The following STK33 variants were observed in gnomAD, a reference collection of about 807,000 sequenced individuals.
STK33 encodes the protein serine/threonine kinase 33.
A neutral mutation model predicts 58.0 loss-of-function variants in STK33; 52 were observed. The observed-to-expected ratio is 0.90, with a 90% CI of 0.72 to 1.13. The LOEUF (loss-of-function observed/expected upper bound fraction) is 1.13. Ranked by LOEUF, STK33 falls within the 50% of genes most tolerant of loss-of-function variation. The pLI, the probability that STK33 is intolerant of heterozygous loss-of-function variation, is 0.00. For synonymous variants in STK33, 215 were observed against 200.1 expected, an observed-to-expected ratio of 1.07 and a Z score of -0.63; for missense variants, 630 against 604.2, an observed-to-expected ratio of 1.04 and a Z score of -0.45.
chr11:8,507,009 G>C (rs1202775205), intron 1 of STK33, among the ~76,000 whole-genome samples: 1 of 152,056 alleles, frequency 6.6e-6, no homozygotes, highest in Non-Finnish European at 1.5e-5. Flanking sequence ...ACTAAATATG[G>C]ATTTATCTTA....
chr11:8,451,520 T>C, intron 11 of STK33, among the ~76,000 whole-genome samples: 1 of 151,882 alleles, frequency 6.6e-6, no homozygotes, highest in Non-Finnish European at 1.5e-5. Context: ...TTATATGAAA[T>C]GTGCAGAAAA....
intron 1 of STK33, among the ~76,000 whole-genome samples, chr11:8,521,255 A>C (rs562640913): frequency 3.7e-4 from 56 of 152,158 alleles, no homozygotes; most frequent in Non-Finnish European, 6.2e-4. Flanking sequence ...CCAAAACAGC[A>C]TGGTACTGGT....
At chr11:8,546,774 T>C (rs1034899091) in intron 1 of STK33, among the ~76,000 whole-genome samples, 2 of 152,218 alleles carry the variant, frequency 1.3e-5, no homozygotes, top group Non-Finnish European at 2.9e-5. Flanking sequence ...TCATTGTCAT[T>C]TATGGCTGAA....
At chr11:8,519,010 C>T (rs1164932584) in intron 1 of STK33, among the ~76,000 whole-genome samples, 1 of 152,204 alleles carries the variant, frequency 6.6e-6, no homozygotes, top group Non-Finnish European at 1.5e-5. Context: ...ATCTACAGAA[C>T]TCTCCACCCC....
chr11:8,362,115 T>C, the STK33 span, among the ~76,000 whole-genome samples: 1 of 152,156 alleles, frequency 6.6e-6, no homozygotes, highest in African/African-American at 2.4e-5. Flanking sequence ...GACTGTTCTC[T>C]GGGCAGCAGA....
chr11:8,396,284 A>C (rs1420385813), intron 15 of STK33, among the ~76,000 whole-genome samples: 1 of 152,150 alleles, frequency 6.6e-6, no homozygotes, highest in Non-Finnish European at 1.5e-5. Context: ...TTGTATTTTT[A>C]GTAGAAGCAG....
chr11:8,457,122 CTG>C (rs1946952979), intron 9 of STK33, among the ~76,000 whole-genome samples: 2 of 152,110 alleles, frequency 1.3e-5, no homozygotes, highest in African/African-American at 4.8e-5. Flanking sequence ...TCTCTTCAAA[CTG>C]TTGAATAAAA....
At position 8,413,702 on chromosome 11, in the gene STK33, ACAAT is replaced by A. The variant is rs1940676872; in HGVS notation, c.1147-14_1147-11del. On this transcript the variant is annotated splice_polypyrimidine_tract_variant and intron_variant, in intron 14 of 15. Coordinates refer to ENST00000687296, the MANE Select transcript of STK33 (RefSeq NM_001352389.2). ...AAGAAAGTTTATTGCCCTAATATTA[ACAAT>A]CAATTTTTGGTGTTATAAACAACTT... 3.1e-6 allele frequency: 5 copies of A among 1,610,594 alleles called. No homozygotes were observed. Among genetic ancestry groups the A allele is most frequent in the Non-Finnish European group, 4.2e-6 (5 of 1,178,580 alleles).
the STK33 span, among the ~76,000 whole-genome samples, chr11:8,344,164 G>C: frequency 6.7e-6 from 1 of 148,626 alleles, no homozygotes; most frequent in Non-Finnish European, 1.5e-5. Context: ...CAGCCTGGGC[G>C]ACACAGGGAG....
At chr11:8,504,365 A>G (rs1951723867) in intron 1 of STK33, among the ~76,000 whole-genome samples, 1 of 152,232 alleles carries the variant, frequency 6.6e-6, no homozygotes, top group African/African-American at 2.4e-5. Flanking sequence ...CACAATGGCA[A>G]CACCCTAAGC....
chr11:8,413,396 T>C, intron 15 of STK33, 99 bp downstream of exon 15: 1 of 1,345,978 alleles, frequency 7.4e-7, no homozygotes. Flanking sequence ...CGGCCTTTGT[T>C]ACAAACTAAC....
At chr11:8,508,135 C>T (rs781449616) in intron 1 of STK33, among the ~76,000 whole-genome samples, 21 of 152,266 alleles carry the variant, frequency 1.4e-4, no homozygotes, top group Non-Finnish European at 2.4e-4. Context: ...AGGTGATCTG[C>T]CCACCTTGGC....
the STK33 span, among the ~76,000 whole-genome samples, chr11:8,365,985 C>T: frequency 1.3e-5 from 2 of 152,222 alleles, no homozygotes; most frequent in African/African-American, 2.4e-5. Flanking sequence ...ATTCAACATC[C>T]ATTAGGCACC....
intron 12 of STK33, among the ~76,000 whole-genome samples, chr11:8,438,609 A>C (rs1665092317): frequency 2.0e-5 from 3 of 152,188 alleles, no homozygotes; most frequent in Non-Finnish European, 4.4e-5. Flanking sequence ...ATGCAGTCAC[A>C]CTCTGAAGCA....
the STK33 span, among the ~76,000 whole-genome samples, chr11:8,371,853 C>T: frequency 1.6e-5 from 2 of 127,320 alleles, no homozygotes; most frequent in East Asian, 5.4e-4. Flanking sequence ...CTCCTTCCTT[C>T]CCTCCCTCCC....
At chr11:8,431,706 A>G (rs931557818) in intron 14 of STK33, among the ~76,000 whole-genome samples, 1 of 152,214 alleles carries the variant, frequency 6.6e-6, no homozygotes, top group Non-Finnish European at 1.5e-5. Flanking sequence ...GATGCACTTT[A>G]ACAATATTAA....
At chr11:8,352,209 C>T in the STK33 span, among the ~76,000 whole-genome samples, 1 of 152,186 alleles carries the variant, frequency 6.6e-6, no homozygotes, top group Non-Finnish European at 1.5e-5. Flanking sequence ...AGGAGAGATG[C>T]TGTGGCCAGA....
intron 14 of STK33, among the ~76,000 whole-genome samples, chr11:8,425,478 T>C (rs1220408294): frequency 6.6e-6 from 1 of 152,210 alleles, no homozygotes; most frequent in Non-Finnish European, 1.5e-5. Flanking sequence ...GGCTGTTTTT[T>C]GGTTTCATAT....
the STK33 span, among the ~76,000 whole-genome samples, chr11:8,350,231 C>T: frequency 6.6e-6 from 1 of 152,216 alleles, no homozygotes. Flanking sequence ...GCCTTCTACA[C>T]CCACGCTGGG....
Sources: gnomAD v4.1 joint callset for allele counts (sites outside exome capture counted in the v4.1 genomes callset) on GRCh38, gnomAD v4.1.1 for gene constraint, MANE v1.5 for transcripts, NCBI Gene and HGNC (gene_info 2026-07-23, HGNC 2026-07-21) for gene names.